The following ABCB5 variants were observed in gnomAD, a reference collection of about 807,000 sequenced individuals.
ABCB5 encodes ATP binding cassette subfamily B member 5.
Under a neutral mutation model 144.2 loss-of-function variants are expected in ABCB5, and 155 were observed. The ratio of observed to expected loss-of-function variants is 1.08; its 90% CI spans 0.94 to 1.23. ABCB5 has a LOEUF of 1.23. ABCB5 is among the 50% of genes most tolerant of loss of function. The pLI is 0.00. For missense variants in ABCB5, 1,830 were observed against 1,520.8 expected (o/e 1.20, Z -3.38); for synonymous variants, 610 against 528.6 (o/e 1.15, Z -2.11).
Position 20,755,499 on chromosome 7 carries a change from A to G in ABCB5, c.3649A>G (p.Ile1217Val). The G allele has an allele frequency of 1.2e-6, 2 of 1,614,224 alleles. No individual in the cohort carries two copies. Among genetic ancestry groups the G allele is most frequent in the South Asian group, 2.2e-5 (2 of 91,088 alleles). ...AGTGGTCACTCACAGGCTCTCTGCA[A>G]TTCAGAACGCAGATTTGATAGTGGT... ...CLVVTHRLSA[I>V]QNADLIVVLH... Residue 1217 changes from isoleucine (I) to valine (V), a missense_variant, in exon 28 of 28, where the codon ATT (isoleucine) becomes GTT (valine). Coordinates refer to ENST00000404938, the MANE Select transcript of ABCB5 (RefSeq NM_001163941.2).
intron 21 of ABCB5, among the ~76,000 whole-genome samples, chr7:20,725,795 A>T (rs559781415): frequency 1.3e-5 from 2 of 152,026 alleles, no homozygotes; most frequent in African/African-American, 2.4e-5. Flanking sequence ...CAGCATTCTT[A>T]TCCATTTTCT....
At chr7:20,686,207 G>T (rs182629082) in intron 16 of ABCB5, among the ~76,000 whole-genome samples, 2 of 152,140 alleles carry the variant, frequency 1.3e-5, no homozygotes, top group African/African-American at 4.8e-5. Context: ...TGCCACTCCC[G>T]GAATGCAGAT....
intron 24 of ABCB5, among the ~76,000 whole-genome samples, chr7:20,740,933 C>A (rs1031985350): frequency 6.6e-6 from 1 of 151,598 alleles, no homozygotes; most frequent in Non-Finnish European, 1.5e-5. Context: ...ATGGCAAAGC[C>A]CCATCGCTAA....
At chr7:20,667,575 G>C (rs1404914040) in intron 14 of ABCB5, 3 of 961,596 alleles carry the variant, frequency 3.1e-6, no homozygotes, top group East Asian at 2.3e-4. Context: ...AACTGTTGGA[G>C]AGTATTGTGA....
rs561288050 is a variant in ABCB5 at position 20,708,573 on chromosome 7, A to G, written c.2421+3766A>G. Among the ~76,000 whole-genome samples the G allele has an allele frequency of 3.9e-5, 6 of 152,322 alleles. 1 individual carries two copies. Among genetic ancestry groups the G allele is most frequent in the African/African-American group, 1.4e-4 (6 of 41,574 alleles). On this transcript the variant is annotated intron_variant, in intron 20 of 27. Transcript: ENST00000404938. The stretch of plus-strand genomic sequence containing the variant: ...CAAAAAACTTTACCACTGCTAAGCC[A>G]TCAAACTGCTGAGTGGTAAGGTAAG...
At chr7:20,628,976 C>A in intron 4 of ABCB5, 138 bp downstream of exon 4, 2 of 996,184 alleles carry the variant, frequency 2.0e-6, no homozygotes, top group South Asian at 4.2e-5. Flanking sequence ...ATTTATTCTG[C>A]CATATTGCTG....
intron 1 of ABCB5, among the ~76,000 whole-genome samples, chr7:20,622,799 C>T (rs1370047873): frequency 6.6e-6 from 1 of 152,090 alleles, no homozygotes; most frequent in African/African-American, 2.4e-5. Context: ...TTTGTGAAAG[C>T]TCCAAACTTT....
At chr7:20,745,180 A>G in intron 25 of ABCB5, 52 bp from the exon 26 acceptor site, 1 of 1,542,206 alleles carries the variant, frequency 6.5e-7, no homozygotes, top group Non-Finnish European at 9.0e-7. Flanking sequence ...GAACTGTAAC[A>G]TGATACAGTT....
In ABCB5 at chr7:20,728,546, G is replaced by A. The variant is rs1782111933; in HGVS notation, c.2867+91G>A. The A allele has an allele frequency of 2.1e-6, 3 of 1,424,276 alleles. No individual in the cohort carries two copies. In the African/African-American group the frequency reaches 4.3e-5, roughly 21 times the overall value. 88.2% of individuals were successfully genotyped at this position (1,424,276 alleles called of 1,614,324 possible). A position where few individuals can be genotyped will look rare whatever the true frequency, so the allele number is the denominator to read the frequency against. On this transcript the variant is annotated intron_variant, in intron 23 of 27. Coordinates refer to ENST00000404938, the MANE Select transcript of ABCB5 (RefSeq NM_001163941.2). ...AGGCGGGTGGATCACTTGAGGTCAGGAGTTTGAGATCAGCCTGACCAACAT... is the reference window on the plus strand; with the variant it reads ...AGGCGGGTGGATCACTTGAGGTCAGAAGTTTGAGATCAGCCTGACCAACAT...
chr7:20,742,835 T>G, intron 24 of ABCB5, 42 bp from the exon 25 acceptor site: 1 of 1,598,708 alleles, frequency 6.3e-7, no homozygotes, highest in Non-Finnish European at 8.6e-7. Context: ...GTTACAACCT[T>G]CCCAAGTCAT....
rs181721889 is a variant in ABCB5, at chr7:20,664,570, T to A, written c.1707+5894T>A. Among the ~76,000 whole-genome samples, 557 of 152,344 alleles carry A rather than the reference T, an allele frequency of 3.7e-3. 1 individual carries two copies. Among genetic ancestry groups the A allele is most frequent in the African/African-American group, 0.012 (489 of 41,586 alleles). ...CCTCCCAAAATAAGGAAAATGCCTA[T>A]AGAAGATACTGATTTTCCTAAGTGC... On this transcript the variant is annotated intron_variant, in intron 14 of 27. Coordinates refer to ENST00000404938, the MANE Select transcript of ABCB5 (RefSeq NM_001163941.2).
chr7:20,652,939 T>TA (rs138475823), intron 13 of ABCB5, among the ~76,000 whole-genome samples: 15,437 of 152,246 alleles, frequency 0.1, 947 homozygotes, highest in Non-Finnish European at 0.13. Context: ...GTTTTTAATT[T>TA]AAAAAATTTG....
At chr7:20,664,308 C>A (rs753791524) in intron 14 of ABCB5, among the ~76,000 whole-genome samples, 1 of 152,160 alleles carries the variant, frequency 6.6e-6, no homozygotes, top group Admixed American at 6.5e-5. Flanking sequence ...CAAATCGAAG[C>A]TCTCATGTGG....
chr7:20,711,845 T>TTTC (rs1491581715), intron 20 of ABCB5, among the ~76,000 whole-genome samples: 1,404 of 9,876 alleles, frequency 0.14, 215 homozygotes, highest in East Asian at 0.57. Flanking sequence ...TCTTTCTTTC[T>TTTC]TTTCTTTCTT....
At chr7:20,644,330 C>T (rs192622946) in intron 7 of ABCB5, among the ~76,000 whole-genome samples, 116 of 152,250 alleles carry the variant, frequency 7.6e-4, no homozygotes, top group African/African-American at 2.7e-3. Context: ...CCGCCCACCT[C>T]GGCCCCACAA....
chr7:20,637,792 A>G (rs1784199020), intron 5 of ABCB5, among the ~76,000 whole-genome samples: 1 of 152,210 alleles, frequency 6.6e-6, no homozygotes, highest in Non-Finnish European at 1.5e-5. Flanking sequence ...TGTATCTAGC[A>G]TAACCTACTT....
At chr7:20,656,075 A>T (rs7796543) in intron 13 of ABCB5, among the ~76,000 whole-genome samples, 63,801 of 151,928 alleles carry the variant, frequency 0.42, 14,615 homozygotes, top group East Asian at 0.66. Flanking sequence ...GCTGGAACAA[A>T]TGGTTATCCT....
At chr7:20,626,468 T>A in intron 2 of ABCB5, 89 bp from the exon 3 acceptor site, 5 of 1,104,318 alleles carry the variant, frequency 4.5e-6, no homozygotes, top group Non-Finnish European at 6.5e-6. Flanking sequence ...ACCAAGGTGA[T>A]ATCTGACACT....
At chr7:20,673,164 T>C (rs1335598461) in intron 14 of ABCB5, among the ~76,000 whole-genome samples, 1 of 152,168 alleles carries the variant, frequency 6.6e-6, no homozygotes, top group African/African-American at 2.4e-5. Context: ...AGTAAGTTTA[T>C]TAAGAGTCGT....
Sources: allele counts gnomAD v4.1 joint callset (sites outside exome capture counted in the v4.1 genomes callset), GRCh38; gene constraint gnomAD v4.1.1; transcripts MANE v1.5; gene names NCBI Gene and HGNC (gene_info 2026-07-23, HGNC 2026-07-21).